CD34: variants seen among roughly 807,000 people sequenced by gnomAD.
CD34 encodes CD34 molecule, also known as hematopoietic progenitor cell antigen CD34.
CD34 carries 34 observed loss-of-function variants against 40.1 expected under a neutral mutation model. The ratio of observed to expected loss-of-function variants is 0.85; its 90% CI spans 0.65 to 1.13. CD34 has a LOEUF of 1.13. Among genes scored for constraint, CD34 ranks in the 50% most tolerant of loss-of-function variants. The pLI is 0.00. For missense variants in CD34, 426 were observed against 466.9 expected (o/e 0.91, Z 0.81); for synonymous variants, 209 against 190.0 (o/e 1.10, Z -0.82).
intron 1 of CD34, 123 bp downstream of exon 1, chr1:207,910,879 G>A: frequency 1.0e-6 from 1 of 980,940 alleles, no homozygotes; most frequent in African/African-American, 1.6e-5. Context: ...GTGGGCGGCA[G>A]TGCGTGGGTT....
chr1:207,896,935 A>G (rs538652237), intron 4 of CD34, among the ~76,000 whole-genome samples: 1 of 152,332 alleles, frequency 6.6e-6, no homozygotes, highest in South Asian at 2.1e-4. Context: ...AAAACTTAAT[A>G]TAAGCTAAAG....
In CD34 at chr1:207,911,068, T is replaced by G; in HGVS notation, c.13A>C (p.Arg5=). ...ATCCTGGGCCCTGCGCGCGCGCCCCTGCGGACCAGCATCCTTCCCGCGCGG... is the reference window on the plus strand; with the variant it reads ...ATCCTGGGCCCTGCGCGCGCGCCCCGGCGGACCAGCATCCTTCCCGCGCGG... MLVR[R]GARAGPRMPR... The change falls in exon 1 of 8, where the codon AGG becomes CGG. Residue 5 remains arginine, a synonymous_variant. Transcript: ENST00000310833. 1.3e-6 allele frequency: 2 copies of G among 1,586,278 alleles called. No homozygotes were observed. The highest frequency in any genetic ancestry group is 1.3e-5 in the African/African-American group (1 of 74,630).
chr1:207,887,743 A>G lies in CD34; in HGVS notation c.1153T>C (p.Leu385=), dbSNP rs749263850. ...ARQHVVADTE[L] is the part of the protein sequence containing the mutation. ...CCTTGCCCCACCTAGCCGAGTCACA[A>G]TTCGGTATCAGCCACCACGTGTTGT... The change falls in exon 8 of 8, where the codon TTG becomes CTG. Residue 385 remains leucine (L), a synonymous_variant. Coordinates refer to ENST00000310833, the MANE Select transcript of CD34 (RefSeq NM_001025109.2). 15 of 1,613,970 alleles carry G rather than the reference A, an allele frequency of 9.3e-6. No individual in the cohort carries two copies. The highest frequency in any genetic ancestry group is 8.3e-5 in the Admixed American group (5 of 60,004).
At chr1:207,889,671 C>A in intron 4 of CD34, 50 bp from the exon 5 acceptor site, 2 of 1,611,222 alleles carry the variant, frequency 1.2e-6, no homozygotes, top group Non-Finnish European at 1.7e-6. Context: ...TACTGCTCTG[C>A]CCTAAACTGC....
At chr1:207,897,348 C>T in intron 4 of CD34, 145 bp downstream of exon 4, 2 of 570,576 alleles carry the variant, frequency 3.5e-6, no homozygotes, top group East Asian at 2.8e-5. Flanking sequence ...ACAGAAAGCT[C>T]AGTATTAAAG....
At chr1:207,892,423 GC>G (rs1411099256) in intron 4 of CD34, among the ~76,000 whole-genome samples, 1 of 152,006 alleles carries the variant, frequency 6.6e-6, no homozygotes, top group Non-Finnish European at 1.5e-5. Flanking sequence ...TCTAAAAAAT[GC>G]AAAAATTAGC....
chr1:207,889,069 A>G, intron 6 of CD34, 92 bp downstream of exon 6: 5 of 931,746 alleles, frequency 5.4e-6, no homozygotes, highest in Non-Finnish European at 5.3e-6. Context: ...GATGGTAGGT[A>G]GAACTGGGGA....
At chr1:207,898,635 C>A (rs1000942783) in intron 3 of CD34, among the ~76,000 whole-genome samples, 31 of 152,252 alleles carry the variant, frequency 2.0e-4, no homozygotes, top group African/African-American at 7.2e-4. Context: ...GCAATAGTTG[C>A]CAAATATTCC....
rs958765843 is a variant in CD34, at chr1:207,887,507, C to T, written c.*231G>A. ...CAGACCTTGGCTTTCCCCCGTCACA[C>T]GTTTACCCAAAGAAGACCAGAGTCT... is the stretch of plus-strand genomic sequence containing the variant. On this transcript the variant is annotated 3_prime_UTR_variant, in exon 8 of 8. Coordinates refer to ENST00000310833, the MANE Select transcript of CD34 (RefSeq NM_001025109.2). 13 of 573,300 alleles carry T rather than the reference C, an allele frequency of 2.3e-5. No homozygotes were observed. Among genetic ancestry groups the T allele is most frequent in the South Asian group, 4.8e-5 (2 of 41,326 alleles). 35.5% of individuals were successfully genotyped at this position (573,300 alleles called of 1,614,324 possible).
At chr1:207,907,246 T>A (rs1662400786) in intron 1 of CD34, among the ~76,000 whole-genome samples, 1 of 151,982 alleles carries the variant, frequency 6.6e-6, no homozygotes, top group Non-Finnish European at 1.5e-5. Flanking sequence ...TAAAAAAAAA[T>A]TTCCTCCCAG....
chr1:207,902,739 C>T (rs1158165623), intron 1 of CD34, among the ~76,000 whole-genome samples: 1 of 152,210 alleles, frequency 6.6e-6, no homozygotes, highest in Non-Finnish European at 1.5e-5. Flanking sequence ...CCTCCTTCAC[C>T]TAGACAAACA....
At chr1:207,898,893 G>A (rs1452385428) in intron 3 of CD34, 80 bp downstream of exon 3, 4 of 1,436,454 alleles carry the variant, frequency 2.8e-6, no homozygotes, top group South Asian at 1.2e-5. Flanking sequence ...GATGAGGAGA[G>A]GGGTGGAGGG....
chr1:207,889,189 A>AT lies in CD34; in HGVS notation c.778dup (p.Met260AsnfsTer7). 1 of 1,610,634 alleles carries AT rather than the reference A, an allele frequency of 6.2e-7. No homozygotes were observed. The highest frequency in any genetic ancestry group is 8.5e-7 in the Non-Finnish European group (1 of 1,176,830). On this transcript the variant is annotated frameshift_variant, in exon 6 of 8. Coordinates refer to ENST00000310833, the MANE Select transcript of CD34 (RefSeq NM_001025109.2). LOFTEE classifies it high-confidence loss of function. Reference sequence around the variant, plus strand: ...TTTCAGGTCAGATTGGTGCTTTTTCATAAGTTGGAGTTTGCTGGAAATTTC... The same window carrying AT: ...TTTCAGGTCAGATTGGTGCTTTTTCATTAAGTTGGAGTTTGCTGGAAATTTC...
In CD34 at chr1:207,899,186, T is replaced by C. The variant is rs1171855741; in HGVS notation, c.303A>G (p.Ser101=). 3.7e-6 allele frequency: 6 copies of C among 1,613,986 alleles called. No individual in the cohort carries two copies. The South Asian group carries it at 4.4e-5, about 12-fold the overall frequency. Residue 101 remains serine (S), a synonymous_variant, in exon 3 of 8, where the codon TCA becomes TCG. Transcript: ENST00000310833. The part of the protein sequence containing the change: ...VKFTSTSVIT[S]VYGNTNSSVQ... ...CAGAAGAGTTTGTGTTTCCATAAAC[T>C]GAGGTTATCACAGAGGTAGATGTGA...
At chr1:207,909,080 C>T (rs1381513633) in intron 1 of CD34, among the ~76,000 whole-genome samples, 1 of 152,190 alleles carries the variant, frequency 6.6e-6, no homozygotes, top group African/African-American at 2.4e-5. Context: ...CCCTAGAAAG[C>T]TCTTGGGAAG....
chr1:207,903,015 AG>A (rs1662307057), intron 1 of CD34, among the ~76,000 whole-genome samples: 1 of 152,158 alleles, frequency 6.6e-6, no homozygotes, highest in African/African-American at 2.4e-5. Flanking sequence ...CTGAGACACC[AG>A]GGGGACAGGA....
chr1:207,899,233 G>A lies in CD34; in HGVS notation c.263-7C>T, dbSNP rs1238521032. On this transcript the variant is annotated splice_region_variant and splice_polypyrimidine_tract_variant and intron_variant, in intron 2 of 7. Transcript: ENST00000310833. Reference sequence around the variant, plus strand: ...GTGAATTTGACTGTCGTTTCTGGAAGAGACCAAAACATGGGTGTGCATGTG... The same window carrying A: ...GTGAATTTGACTGTCGTTTCTGGAAAAGACCAAAACATGGGTGTGCATGTG... 1.9e-6 allele frequency: 3 copies of A among 1,613,702 alleles called. No individual in the cohort carries two copies. In the African/African-American group the frequency reaches 4.0e-5, roughly 22 times the overall value.
intron 1 of CD34, among the ~76,000 whole-genome samples, chr1:207,904,079 T>C (rs1014097620): frequency 2.6e-5 from 4 of 152,228 alleles, no homozygotes; most frequent in Non-Finnish European, 5.9e-5. Flanking sequence ...GACTCTTTTG[T>C]TCTTTAAAGT....
chr1:207,901,040 C>T (rs922113659), intron 1 of CD34, among the ~76,000 whole-genome samples: 2 of 145,696 alleles, frequency 1.4e-5, no homozygotes, highest in Non-Finnish European at 1.5e-5. Context: ...TCTGTCATCA[C>T]AGCACCCAGG....
Sources: allele counts gnomAD v4.1 joint callset (sites outside exome capture counted in the v4.1 genomes callset), GRCh38; gene constraint gnomAD v4.1.1; transcripts MANE v1.5; gene names NCBI Gene and HGNC (gene_info 2026-07-23, HGNC 2026-07-21).